VPS54: variants seen among roughly 807,000 people sequenced by gnomAD.
The protein encoded by VPS54 is vacuolar protein sorting-associated protein 54.
Under a neutral mutation model 121.5 loss-of-function variants are expected in VPS54, and 45 were observed. That is an observed-to-expected ratio of 0.37 (90% CI 0.29 to 0.47). The LOEUF is 0.47. Ranked by LOEUF, VPS54 falls within the 20% of genes least tolerant of loss-of-function variation. The pLI, the probability that VPS54 is intolerant of heterozygous loss-of-function variation, is 0.99. For synonymous variants in VPS54, 371 were observed against 385.8 expected (o/e 0.96, Z 0.45); for missense variants, 1,090 against 1,131.4 (o/e 0.96, Z 0.52).
At chr2:63,946,614 C>G (rs1674991661) in intron 9 of VPS54, among the ~76,000 whole-genome samples, 1 of 151,742 alleles carries the variant, frequency 6.6e-6, no homozygotes, top group African/African-American at 2.4e-5. Flanking sequence ...ATCAATTAAG[C>G]CTAATAAATA....
chr2:63,996,095 T>C (rs1030516223), intron 1 of VPS54, among the ~76,000 whole-genome samples: 1 of 152,180 alleles, frequency 6.6e-6, no homozygotes, highest in Non-Finnish European at 1.5e-5. Context: ...CAAGCCTTCA[T>C]CACCATGGCA....
At chr2:63,918,832 G>A (rs1323905681) in intron 15 of VPS54, among the ~76,000 whole-genome samples, 1 of 151,870 alleles carries the variant, frequency 6.6e-6, no homozygotes, top group Non-Finnish European at 1.5e-5. Flanking sequence ...TGAAAAAGTA[G>A]GCTATACTTG....
intron 11 of VPS54, among the ~76,000 whole-genome samples, chr2:63,934,689 A>C (rs916666858): frequency 6.6e-6 from 1 of 152,108 alleles, no homozygotes; most frequent in African/African-American, 2.4e-5. Context: ...AAAAAACAAA[A>C]AAACCCATTT....
chr2:63,940,225 A>G (rs894918269), intron 11 of VPS54, among the ~76,000 whole-genome samples: 9 of 152,188 alleles, frequency 5.9e-5, no homozygotes, highest in Non-Finnish European at 1.2e-4. Flanking sequence ...AGTTATTTTT[A>G]AATTCTTCAA....
intron 15 of VPS54, among the ~76,000 whole-genome samples, chr2:63,917,832 T>G (rs187496642): frequency 3.9e-4 from 59 of 152,124 alleles, no homozygotes; most frequent in Admixed American, 1.4e-3. Context: ...GCTCTACCAC[T>G]TCCTAGCTAT....
intron 7 of VPS54, among the ~76,000 whole-genome samples, chr2:63,957,441 C>CAAAAAAAAAAAAAAAAAA (rs10551633): frequency 2.2e-5 from 2 of 90,120 alleles, no homozygotes; most frequent in Non-Finnish European, 4.5e-5. Flanking sequence ...GACTCCATCT[C>CAAAAAAAAAAAAAAAAAA]AAAAAAAAAA....
intron 1 of VPS54, among the ~76,000 whole-genome samples, chr2:64,013,675 T>C (rs1053435376): frequency 1.4e-5 from 2 of 145,950 alleles, no homozygotes; most frequent in African/African-American, 5.1e-5. Flanking sequence ...TATATATCTA[T>C]ATATTGATAT....
At chr2:63,909,670 G>A (rs942573709) in intron 20 of VPS54, among the ~76,000 whole-genome samples, 7 of 147,622 alleles carry the variant, frequency 4.7e-5, no homozygotes, top group African/African-American at 1.3e-4. Flanking sequence ...CACCCACCTC[G>A]GCCTCCCAAA....
intron 4 of VPS54, among the ~76,000 whole-genome samples, chr2:63,970,615 G>C (rs1187792030): frequency 1.3e-5 from 2 of 152,040 alleles, no homozygotes; most frequent in Non-Finnish European, 2.9e-5. Flanking sequence ...TGTACAAATT[G>C]ATCTATCCCG....
At chr2:63,931,245 C>A (rs996973423) in intron 12 of VPS54, among the ~76,000 whole-genome samples, 1 of 152,124 alleles carries the variant, frequency 6.6e-6, no homozygotes, top group East Asian at 1.9e-4. Flanking sequence ...TGCTACCTGA[C>A]GTCAAACTAT....
At chr2:63,999,525 T>A (rs969863978) in intron 1 of VPS54, among the ~76,000 whole-genome samples, 1 of 58,160 alleles carries the variant, frequency 1.7e-5, no homozygotes, top group Admixed American at 1.3e-4. Flanking sequence ...CCTTGCTTTA[T>A]CCTTGTCTTT....
intron 6 of VPS54, 129 bp downstream of exon 6, chr2:63,965,706 T>A: frequency 7.5e-7 from 1 of 1,329,660 alleles, no homozygotes; most frequent in Non-Finnish European, 1.0e-6. Flanking sequence ...TTGGGAGGCT[T>A]ATAGTTATCA....
At chr2:63,989,329 G>T (rs915820338) in intron 1 of VPS54, among the ~76,000 whole-genome samples, 1 of 152,042 alleles carries the variant, frequency 6.6e-6, no homozygotes, top group Non-Finnish European at 1.5e-5. Flanking sequence ...CACTCTATTC[G>T]TATACTCCCT....
intron 1 of VPS54, among the ~76,000 whole-genome samples, chr2:64,004,509 C>G (rs962170911): frequency 6.6e-6 from 1 of 152,138 alleles, no homozygotes; most frequent in Non-Finnish European, 1.5e-5. Flanking sequence ...GGAGGACAAC[C>G]TGATATTATG....
At chr2:64,011,769 C>G (rs1179136932) in intron 1 of VPS54, among the ~76,000 whole-genome samples, 1 of 152,096 alleles carries the variant, frequency 6.6e-6, no homozygotes, top group African/African-American at 2.4e-5. Context: ...CACTGGTATT[C>G]TCTTCTTGGT....
In VPS54 at chr2:63,962,046, T is replaced by TA. The variant is rs1448265955; in HGVS notation, c.1010+11dup. 2.0e-6 allele frequency: 3 copies of TA among 1,535,216 alleles called. No homozygotes were observed. Among genetic ancestry groups the TA allele is most frequent in the South Asian group, 2.6e-5 (2 of 78,428 alleles). ...CTAACATTATTTCTAGTGGCTTACTTAATGAACATACCGGAAACTGTGAAT... is the reference window on the plus strand; with the variant it reads ...CTAACATTATTTCTAGTGGCTTACTTAAATGAACATACCGGAAACTGTGAAT... On this transcript the variant is annotated intron_variant, in intron 7 of 22. Transcript: ENST00000272322.
chr2:63,981,998 T>A, intron 2 of VPS54, 111 bp from the exon 3 acceptor site: 1 of 1,148,572 alleles, frequency 8.7e-7, no homozygotes. Flanking sequence ...GCAAACCAAC[T>A]AATCTTCCAC....
At chr2:63,926,003 G>A (rs1387096167) in intron 12 of VPS54, among the ~76,000 whole-genome samples, 2 of 152,198 alleles carry the variant, frequency 1.3e-5, no homozygotes, top group Non-Finnish European at 2.9e-5. Flanking sequence ...GGGCTGAGAG[G>A]AAGATGAATA....
At position 63,942,541 on chromosome 2, in the gene VPS54, A is replaced by G. The variant is rs1324553794; in HGVS notation, c.1322T>C (p.Met441Thr). ...ATCAAACCACTGGGGAAAATTCAAC[A>G]TTCTCATCTGATCTGCAAGCCTAGA... is the stretch of plus-strand genomic sequence containing the variant. ...VVVKLADQMR[M>T]LNFPQWFDLL... Residue 441 changes from methionine to threonine, a missense_variant, in exon 11 of 23, where the codon ATG becomes ACG. Met to Thr is a moderately conservative substitution (Grantham distance 81). Around this residue, in one of 2 missense-constraint regions of VPS54, gnomAD observed 801 missense variants for 757.0 expected, o/e 1.06. Transcript: ENST00000272322. 7 of 1,592,640 alleles carry G rather than the reference A, an allele frequency of 4.4e-6. No homozygotes were observed. The highest frequency in any genetic ancestry group is 5.1e-6 in the Non-Finnish European group (6 of 1,168,162).
Sources: gnomAD v4.1 joint callset for allele counts (sites outside exome capture counted in the v4.1 genomes callset) on GRCh38, gnomAD v4.1.1 for gene constraint, gnomAD v4.1.1 regional missense constraint, MANE v1.5 for transcripts, NCBI Gene and HGNC (gene_info 2026-07-23, HGNC 2026-07-21) for gene names.